The following CA2 variants were observed in gnomAD, a reference collection of about 807,000 sequenced individuals.
The protein encoded by CA2 is carbonate dehydratase II.
In CA2, 23 loss-of-function variants were observed where a neutral mutation model predicts 27.8. The observed-to-expected ratio is 0.83, with a 90% CI of 0.59 to 1.17. CA2 has a LOEUF of 1.17. Ranked by LOEUF, CA2 falls within the 50% of genes most tolerant of loss-of-function variation. The pLI, the probability that CA2 is intolerant of heterozygous loss-of-function variation, is 0.00. For synonymous variants in CA2, 99 were observed against 114.9 expected (o/e 0.86, Z 0.88); for missense variants, 300 against 314.7 (o/e 0.95, Z 0.35).
chr8:85,473,897 T>A (rs1334804716), intron 3 of CA2, 86 bp downstream of exon 3: 2 of 853,054 alleles, frequency 2.3e-6, no homozygotes, highest in East Asian at 4.8e-5. Context: ...AATTTGTAAA[T>A]TCAACTCACG....
At position 85,465,416 on chromosome 8, in the gene CA2, T is replaced by G; in HGVS notation, c.179T>G (p.Leu60Arg). 1 of 1,614,220 alleles carries G rather than the reference T, an allele frequency of 6.2e-7. No individual in the cohort carries two copies. The highest frequency in any genetic ancestry group is 1.6e-4 in the Middle Eastern group (1 of 6,062). Residue 60 changes from leucine to arginine, a missense_variant, in exon 2 of 7, where the codon CTC becomes CGC. Leu to Arg is a moderately radical substitution (Grantham distance 102). Coordinates refer to ENST00000285379, the MANE Select transcript of CA2 (RefSeq NM_000067.3). The part of the protein sequence containing the change: ...SYDQATSLRI[L>R]NNGHAFNVEF... ...GATCAAGCAACTTCCCTGAGGATCC[T>G]CAACAATGGTCATGCTTTCAACGTG...
intron 6 of CA2, among the ~76,000 whole-genome samples, chr8:85,479,824 G>T (rs1811860882): frequency 6.6e-6 from 1 of 152,174 alleles, no homozygotes; most frequent in Non-Finnish European, 1.5e-5. Context: ...TCCATAGCAT[G>T]AGATAAATTG....
chr8:85,464,261 G>GC, intron 1 of CA2, 146 bp downstream of exon 1: 1 of 628,810 alleles, frequency 1.6e-6, no homozygotes. Context: ...GCTCAGGTGC[G>GC]CCCCGGGCGC....
In CA2 at chr8:85,475,815, G is replaced by A. The variant is rs140623407; in HGVS notation, c.462G>A (p.Pro154=). 326 of 1,613,864 alleles carry A rather than the reference G, an allele frequency of 2.0e-4. 1 individual carries two copies. The highest frequency in any genetic ancestry group is 7.7e-5 in the South Asian group (7 of 91,082). ...TTCTTTAGGTTGGCAGCGCTAAACC[G>A]GGCCTTCAGAAAGTTGTTGATGTGC... is the stretch of plus-strand genomic sequence containing the variant. The part of the protein sequence containing the change: ...GIFLKVGSAK[P]GLQKVVDVLD... Residue 154 remains proline, a synonymous_variant, in exon 5 of 7, where the codon CCG becomes CCA. Transcript: ENST00000285379.
intron 2 of CA2, among the ~76,000 whole-genome samples, chr8:85,467,392 C>T (rs936915223): frequency 6.6e-6 from 1 of 152,056 alleles, no homozygotes; most frequent in Non-Finnish European, 1.5e-5. Context: ...ATAGTGTCTG[C>T]CACAGTGGAA....
chr8:85,475,668 G>A, intron 4 of CA2, 130 bp from the exon 5 acceptor site: 7 of 777,084 alleles, frequency 9.0e-6, no homozygotes, highest in South Asian at 1.5e-5. Context: ...GTACTGATGG[G>A]GGTCATGTAT....
At chr8:85,470,593 T>G (rs1001892006) in intron 2 of CA2, among the ~76,000 whole-genome samples, 10 of 152,286 alleles carry the variant, frequency 6.6e-5, no homozygotes, top group African/African-American at 2.4e-4. Context: ...TTTGTATAAG[T>G]AATGTGATTC....
intron 2 of CA2, among the ~76,000 whole-genome samples, chr8:85,473,021 TA>T (rs1437102966): frequency 2.1e-5 from 3 of 142,392 alleles, no homozygotes; most frequent in African/African-American, 7.4e-5. Flanking sequence ...AATAAATAAA[TA>T]AATAAATAAA....
At chr8:85,480,536 G>C (rs1008442829) in intron 6 of CA2, 134 bp from the exon 7 acceptor site, 4 of 824,326 alleles carry the variant, frequency 4.9e-6, no homozygotes, top group Non-Finnish European at 7.9e-6. Flanking sequence ...TCATGCCTCA[G>C]CCTTACAAAG....
Position 85,474,399 on chromosome 8 carries a change from C to G in CA2, c.427C>G (p.Leu143Val), listed in dbSNP as rs1234226992. The change falls in exon 4 of 7, where the codon CTA becomes GTA. Residue 143 changes from leucine to valine, a missense_variant. Leu to Val is a conservative substitution (Grantham distance 32, BLOSUM62 1). Transcript: ENST00000285379. Reference protein sequence around the residue: ...AVQQPDGLAVLGIFLKVGSAK... With the variant: ...AVQQPDGLAVVGIFLKVGSAK... ...GCAGCAACCTGATGGACTGGCCGTT[C>G]TAGGTATTTTTTTGAAGGTTAGTTG... 1.2e-6 allele frequency: 2 copies of G among 1,613,492 alleles called. No homozygotes were observed. The highest frequency in any genetic ancestry group is 1.7e-6 in the Non-Finnish European group (2 of 1,179,484).
chr8:85,480,893 G>T lies in CA2; in HGVS notation c.*104G>T. 8.3e-7 allele frequency: 1 copy of T among 1,209,150 alleles called. No individual in the cohort carries two copies. The highest frequency in any genetic ancestry group is 1.9e-5 in the Admixed American group (1 of 53,922). The allele number at this position is 1,209,150 out of a possible 1,614,324, so 74.9% of individuals were successfully genotyped here. The stretch of plus-strand genomic sequence containing the variant: ...TTGGACCCTGGTTGCTTTGTGTCTA[G>T]TTTTCTAGACCCTTCATCTCTTACT... On this transcript the variant is annotated 3_prime_UTR_variant, in exon 7 of 7. Coordinates refer to ENST00000285379, the MANE Select transcript of CA2 (RefSeq NM_000067.3).
At chr8:85,473,488 C>T in intron 2 of CA2, 1 of 675,186 alleles carries the variant, frequency 1.5e-6, no homozygotes, top group Admixed American at 2.1e-5. Context: ...TTTTGTTCAG[C>T]ACCGTAGACT....
At chr8:85,468,832 CTTTCT>C (rs1274286587) in intron 2 of CA2, among the ~76,000 whole-genome samples, 9 of 99,672 alleles carry the variant, frequency 9.0e-5, no homozygotes, top group South Asian at 5.1e-4. Context: ...TTTAGACTTT[CTTTCT>C]TTTTTTTTTT....
chr8:85,469,759 T>A (rs1054543569), intron 2 of CA2, among the ~76,000 whole-genome samples: 6 of 152,064 alleles, frequency 3.9e-5, no homozygotes, highest in African/African-American at 1.4e-4. Flanking sequence ...CTTATCCAAG[T>A]CTTACATCAT....
Position 85,473,676 on chromosome 8 carries a change from A to G in CA2, c.233-17A>G. The stretch of plus-strand genomic sequence containing the variant: ...ACATACATATATGTTACATATATAT[A>G]TATGTTTTAATTTTAGTGCTCAAGG... On this transcript the variant is annotated splice_polypyrimidine_tract_variant and intron_variant, in intron 2 of 6. Coordinates refer to ENST00000285379, the MANE Select transcript of CA2 (RefSeq NM_000067.3). The G allele has an allele frequency of 2.6e-6, 3 of 1,174,362 alleles. No homozygotes were observed. The highest frequency in any genetic ancestry group is 3.8e-6 in the Non-Finnish European group (3 of 780,772). 72.7% of individuals were successfully genotyped at this position (1,174,362 alleles called of 1,614,324 possible). A position where few individuals can be genotyped will look rare whatever the true frequency, so the allele number is the denominator to read the frequency against.
At chr8:85,467,200 TTATTC>T (rs1811643500) in intron 2 of CA2, among the ~76,000 whole-genome samples, 1 of 152,218 alleles carries the variant, frequency 6.6e-6, no homozygotes, top group African/African-American at 2.4e-5. Flanking sequence ...GTGAAATAAA[TTATTC>T]TAGTAATATG....
chr8:85,464,174 T>A, intron 1 of CA2, 59 bp downstream of exon 1: 2 of 1,357,938 alleles, frequency 1.5e-6, no homozygotes, highest in Non-Finnish European at 2.0e-6. Context: ...CGATCCCCGA[T>A]CCCCGAGCCC....
chr8:85,475,695 GCTCA>G (rs1053935811), intron 4 of CA2, 99 bp from the exon 5 acceptor site: 27 of 1,000,062 alleles, frequency 2.7e-5, no homozygotes, highest in Non-Finnish European at 3.9e-5. Context: ...GAGAATTTGG[GCTCA>G]CTATTTGGAT....
chr8:85,469,818 G>C (rs531678208), intron 2 of CA2, among the ~76,000 whole-genome samples: 14 of 152,006 alleles, frequency 9.2e-5, no homozygotes. Context: ...GTTATTTCAA[G>C]AAAAGAGTAA....
Sources: gnomAD v4.1 joint callset for allele counts (sites outside exome capture counted in the v4.1 genomes callset) on GRCh38, gnomAD v4.1.1 for gene constraint, MANE v1.5 for transcripts, NCBI Gene and HGNC (gene_info 2026-07-23, HGNC 2026-07-21) for gene names.